FRAS1: variants seen among roughly 807,000 people sequenced by gnomAD.
FRAS1 encodes the protein Fraser extracellular matrix complex subunit 1, also known as extracellular matrix organizing protein FRAS1.
In FRAS1, 290 loss-of-function variants were observed where a neutral mutation model predicts 435.2. The observed-to-expected ratio is 0.67, with a 90% CI of 0.61 to 0.73. The LOEUF is 0.73. Ranked by LOEUF, FRAS1 falls within the 30% of genes least tolerant of loss-of-function variation. The probability of loss-of-function intolerance (pLI) is 0.00; values close to 1 mark genes in which losing one functional copy is unlikely to be tolerated. For missense variants in FRAS1, 4,860 were observed against 5,001.5 expected (o/e 0.97, Z 0.85); for synonymous variants, 1,800 against 1,851.0 (o/e 0.97, Z 0.71).
chr4:78,469,053 A>G (rs949360099), intron 50 of FRAS1, among the ~76,000 whole-genome samples: 1 of 152,078 alleles, frequency 6.6e-6, no homozygotes, highest in African/African-American at 2.4e-5. Context: ...GCAAGTCATC[A>G]CTCTTGTTTT....
At chr4:78,239,703 A>G (rs913313175) in intron 3 of FRAS1, among the ~76,000 whole-genome samples, 9 of 152,124 alleles carry the variant, frequency 5.9e-5, no homozygotes, top group African/African-American at 1.7e-4. Context: ...CTGAATATAT[A>G]TGTATATATC....
chr4:78,130,555 C>A (rs10029734), intron 2 of FRAS1, among the ~76,000 whole-genome samples: 42,369 of 151,910 alleles, frequency 0.28, 6,240 homozygotes, highest in African/African-American at 0.35. Flanking sequence ...TGAAATTGTG[C>A]GAGTTGTAAC....
chr4:78,065,081 T>TAAATATATATATATATATATACACACAC (rs754079583), intron 1 of FRAS1, among the ~76,000 whole-genome samples: 1 of 125,692 alleles, frequency 8.0e-6, no homozygotes. Flanking sequence ...TATATATATA[T>TAAATATATATATATATATATACACACAC]ATACATACAC....
Position 78,166,406 on chromosome 4 carries a change from G to A in FRAS1, c.109-71104G>A, listed in dbSNP as rs764563514. 5.9e-5 allele frequency among the ~76,000 whole-genome samples: 9 copies of A among 152,234 alleles called. No homozygotes were observed. In the East Asian group the frequency reaches 9.6e-4, roughly 16 times the overall value. The stretch of plus-strand genomic sequence containing the variant: ...AGCCTTGAAGAACGAGGTGTCAGTA[G>A]TTAGATCTGGACTAATAAGACTTTT... On this transcript the variant is annotated intron_variant, in intron 2 of 73. Coordinates refer to ENST00000512123, the MANE Select transcript of FRAS1 (RefSeq NM_025074.7).
chr4:78,301,851 T>G (rs113484690), intron 14 of FRAS1, among the ~76,000 whole-genome samples: 3 of 148,202 alleles, frequency 2.0e-5, no homozygotes, highest in Non-Finnish European at 4.4e-5. Context: ...AAACAGTTTT[T>G]TTTTTTTTTT....
chr4:78,264,301 G>A (rs544692130), intron 6 of FRAS1, among the ~76,000 whole-genome samples: 1 of 152,274 alleles, frequency 6.6e-6, no homozygotes, highest in African/African-American at 2.4e-5. Context: ...AGGTGAGAAT[G>A]TAGGGACATA....
At chr4:78,145,085 TCAA>T (rs1195571949) in intron 2 of FRAS1, among the ~76,000 whole-genome samples, 3 of 152,204 alleles carry the variant, frequency 2.0e-5, no homozygotes, top group Admixed American at 6.5e-5. Flanking sequence ...AATCTCATCA[TCAA>T]CAACAGTGTA....
chr4:78,509,639 A>G (rs1192566243), intron 63 of FRAS1, among the ~76,000 whole-genome samples: 1 of 152,220 alleles, frequency 6.6e-6, no homozygotes, highest in Non-Finnish European at 1.5e-5. Context: ...GCTGTCCTCA[A>G]AAAGCTTAGA....
chr4:78,315,768 AG>A (rs779778874), intron 16 of FRAS1, 34 bp downstream of exon 16: 2 of 1,612,172 alleles, frequency 1.2e-6, no homozygotes. Context: ...ATCATCAAAA[AG>A]TATTGAGTAC....
At chr4:78,463,858 C>T (rs1028260449) in intron 47 of FRAS1, among the ~76,000 whole-genome samples, 163 bp from the exon 48 acceptor site, 10 of 152,164 alleles carry the variant, frequency 6.6e-5, no homozygotes, top group African/African-American at 2.4e-4. Flanking sequence ...CTGTTGTATC[C>T]ACAAACAACT....
intron 14 of FRAS1, among the ~76,000 whole-genome samples, chr4:78,303,658 T>A (rs1728544734): frequency 1.3e-5 from 2 of 152,264 alleles, no homozygotes; most frequent in East Asian, 3.9e-4. Context: ...TCTCTGTTTG[T>A]CTGTTGTTGG....
chr4:78,117,839 C>T (rs1718733668), intron 2 of FRAS1, among the ~76,000 whole-genome samples: 1 of 152,276 alleles, frequency 6.6e-6, no homozygotes, highest in Non-Finnish European at 1.5e-5. Flanking sequence ...TCATCAAAGT[C>T]ATTCTCCGTC....
At position 78,482,421 on chromosome 4, in the gene FRAS1, T is replaced by C; in HGVS notation, c.8638T>C (p.Tyr2880His). Residue 2880 changes from tyrosine (Y) to histidine (H), a missense_variant, in exon 58 of 74, where the codon TAT (tyrosine) becomes CAT (histidine). By Grantham distance (83) the Tyr-to-His change is moderately conservative. Coordinates refer to ENST00000512123, the MANE Select transcript of FRAS1 (RefSeq NM_025074.7). ...CTTGACTATCTTGGATGACACTCAG[T>C]ATCCGGTAATTGAAGGACTGGAGAC... ...CTLTILDDTQYPVIEGLETFV... is the reference protein window; with the variant it reads ...CTLTILDDTQHPVIEGLETFV... 3.7e-6 allele frequency: 6 copies of C among 1,613,946 alleles called. No homozygotes were observed. Among genetic ancestry groups the C allele is most frequent in the Non-Finnish European group, 4.2e-6 (5 of 1,179,820 alleles).
intron 14 of FRAS1, among the ~76,000 whole-genome samples, chr4:78,297,581 G>GA (rs2110202133): frequency 6.6e-6 from 1 of 152,168 alleles, no homozygotes; most frequent in East Asian, 1.9e-4. Context: ...TTTCATTTTC[G>GA]AAATGAGTTG....
chr4:78,139,200 C>A (rs1285135117), intron 2 of FRAS1, among the ~76,000 whole-genome samples: 1 of 152,110 alleles, frequency 6.6e-6, no homozygotes, highest in Non-Finnish European at 1.5e-5. Context: ...CTTGGGCAGG[C>A]TGACAGGCAG....
chr4:78,069,786 GTTT>G (rs5859604), intron 2 of FRAS1, among the ~76,000 whole-genome samples: 27,570 of 146,966 alleles, frequency 0.19, 2,834 homozygotes, highest in African/African-American at 0.27. Context: ...CCAGGAAATA[GTTT>G]TTTTTTTTTT....
intron 2 of FRAS1, among the ~76,000 whole-genome samples, chr4:78,224,731 T>A (rs1724198565): frequency 6.6e-6 from 1 of 152,100 alleles, no homozygotes; most frequent in African/African-American, 2.4e-5. Flanking sequence ...AGGGTCTCAC[T>A]ATGTTGCCCA....
chr4:78,496,957 A>G lies in FRAS1; in HGVS notation c.9111A>G (p.Glu3037=), dbSNP rs1720523467. The change falls in exon 60 of 74, where the codon GAA becomes GAG. Residue 3037 remains glutamate, a synonymous_variant. Transcript: ENST00000512123. ...CCACCATCACCATATCCAATGATGA[A>G]GATGGTAACAGAAGAAATTATCTTT... The part of the protein sequence containing the change: ...NMATITISND[E]DAPTIEFEEA... 3 of 1,611,346 alleles carry G rather than the reference A, an allele frequency of 1.9e-6. No homozygotes were observed. The highest frequency in any genetic ancestry group is 2.5e-6 in the Non-Finnish European group (3 of 1,177,958).
At chr4:78,531,511 C>T (rs1223116720) in intron 70 of FRAS1, among the ~76,000 whole-genome samples, 2 of 152,084 alleles carry the variant, frequency 1.3e-5, no homozygotes, top group Non-Finnish European at 2.9e-5. Flanking sequence ...TGAGATATGT[C>T]CCATCAATAC....
Sources: allele counts gnomAD v4.1 joint callset (sites outside exome capture counted in the v4.1 genomes callset), GRCh38; gene constraint gnomAD v4.1.1; transcripts MANE v1.5; gene names NCBI Gene and HGNC (gene_info 2026-07-23, HGNC 2026-07-21).